IBTK: variants seen among roughly 807,000 people sequenced by gnomAD.
The protein encoded by IBTK is BTK-binding protein.
A neutral mutation model predicts 154.9 loss-of-function variants in IBTK; 83 were observed. That is an observed-to-expected ratio of 0.54 (90% confidence interval 0.45 to 0.64). The LOEUF is 0.64. Among genes scored for constraint, IBTK ranks in the 30% least tolerant of loss-of-function variants. The pLI is 0.00. For missense variants in IBTK, 1,332 were observed against 1,584.6 expected, an observed-to-expected ratio of 0.84 and a Z score of 2.71; for synonymous variants, 515 against 536.1, an observed-to-expected ratio of 0.96 and a Z score of 0.54.
At position 82,171,436 on chromosome 6, in the gene IBTK, G is replaced by A; in HGVS notation, c.4051C>T (p.His1351Tyr). The change falls in exon 29 of 29, where the codon CAT becomes TAT. Residue 1351 changes from histidine to tyrosine, a missense_variant. Around this residue, in one of 3 missense-constraint regions of IBTK, gnomAD observed 1,134 missense variants for 1,274.7 expected, o/e 0.89. Transcript: ENST00000306270. Reference sequence around the variant, plus strand: ...AACTCCACAGTGAACTAGCATCCATGCTTATTCCACATAGGTACTGCCAGT... The same window carrying A: ...AACTCCACAGTGAACTAGCATCCATACTTATTCCACATAGGTACTGCCAGT... ...GPLAVPMWNK[H>Y]GC 1 of 1,612,472 alleles carries A rather than the reference G, an allele frequency of 6.2e-7. No individual in the cohort carries two copies. Among genetic ancestry groups the A allele is most frequent in the Non-Finnish European group, 8.5e-7 (1 of 1,179,344 alleles).
At chr6:82,243,113 C>A (rs1771015539) in intron 1 of IBTK, among the ~76,000 whole-genome samples, 1 of 151,370 alleles carries the variant, frequency 6.6e-6, no homozygotes, top group Non-Finnish European at 1.5e-5. Context: ...TGGTGGCGGG[C>A]GCCTGTAGTC....
In IBTK at chr6:82,171,370, T is replaced by C. The variant is rs907542110; in HGVS notation, c.*55A>G. On this transcript the variant is annotated 3_prime_UTR_variant, in exon 29 of 29. Coordinates refer to ENST00000306270, the MANE Select transcript of IBTK (RefSeq NM_015525.4). The stretch of plus-strand genomic sequence containing the variant: ...CTCTAAGACTCTTTTCCACAGCTTT[T>C]CTTTATATGAACAAACTCATAATTA... The C allele has an allele frequency of 2.7e-6, 4 of 1,488,422 alleles. No homozygotes were observed. The highest frequency in any genetic ancestry group is 2.3e-5 in the East Asian group (1 of 43,652). The allele number at this position is 1,488,422 out of a possible 1,614,324, so 92.2% of individuals were successfully genotyped here.
chr6:82,247,501 C>G (rs1771201622), intron 1 of IBTK, 61 bp downstream of exon 1: 1 of 398,592 alleles, frequency 2.5e-6, no homozygotes, highest in African/African-American at 2.1e-5. Context: ...TACTCTCCCC[C>G]TGCCCCCGGG....
At chr6:82,234,337 T>C (rs1770636782) in intron 2 of IBTK, 82 bp from the exon 3 acceptor site, 1 of 481,526 alleles carries the variant, frequency 2.1e-6, no homozygotes, top group Non-Finnish European at 3.0e-6. Flanking sequence ...TATTTTATTA[T>C]TATTTTTTTT....
At chr6:82,237,661 G>GTA (rs1554188041) in intron 2 of IBTK, among the ~76,000 whole-genome samples, 20,900 of 143,428 alleles carry the variant, frequency 0.15, 1,814 homozygotes, top group East Asian at 0.25. Context: ...AGATAGTAGT[G>GTA]GTAGTAGTAG....
rs201331625 is a variant in IBTK at position 82,226,604 on chromosome 6, G to GTT, written c.654+586_654+587dup. Reference sequence around the variant, plus strand: ...TTACAATTAGTGTGCCTTCTTTTTTGTTTTTTTTTTTTTCTTTTTGAGACG... The same window carrying GTT: ...TTACAATTAGTGTGCCTTCTTTTTTGTTTTTTTTTTTTTTTCTTTTTGAGACG... On this transcript the variant is annotated intron_variant, in intron 5 of 28. Transcript: ENST00000306270. Among the ~76,000 whole-genome samples, 1,023 of 144,910 alleles carry GTT rather than the reference G, an allele frequency of 7.1e-3. 5 individuals are homozygous for GTT. The highest frequency in any genetic ancestry group is 0.021 in the African/African-American group (814 of 39,578).
intron 18 of IBTK, 31 bp downstream of exon 18, chr6:82,202,497 A>G: frequency 8.6e-7 from 1 of 1,160,686 alleles, no homozygotes; most frequent in East Asian, 2.4e-5. Context: ...CTCCTTTTGC[A>G]ACAATCTTAC....
In IBTK at chr6:82,220,579, C is replaced by T. The variant is rs749416591; in HGVS notation, c.1248+11G>A. On this transcript the variant is annotated intron_variant, in intron 9 of 28. Transcript: ENST00000306270. ...GAGTAAGATTACACTTTTACATAAA[C>T]ATGTACTTACCCTTCCAGCTCCATC... The T allele has an allele frequency of 6.3e-7, 1 of 1,595,440 alleles. No homozygotes were observed. Among genetic ancestry groups the T allele is most frequent in the Non-Finnish European group, 8.5e-7 (1 of 1,174,310 alleles).
Position 82,240,641 on chromosome 6 carries a change from T to A in IBTK, c.-155A>T. On this transcript the variant is annotated 5_prime_UTR_variant, in exon 2 of 29. Transcript: ENST00000306270. Reference sequence around the variant, plus strand: ...CTCCTGACAATAGTATAAAACTATATATCTTTATACAATTTTTTGGCACTT... The same window carrying A: ...CTCCTGACAATAGTATAAAACTATAAATCTTTATACAATTTTTTGGCACTT... The A allele has an allele frequency of 1.7e-6, 1 of 590,458 alleles. No individual in the cohort carries two copies. Among genetic ancestry groups the A allele is most frequent in the Non-Finnish European group, 2.8e-6 (1 of 354,366 alleles). The allele number at this position is 590,458 out of a possible 1,614,324, so 36.6% of individuals were successfully genotyped here.
chr6:82,215,408 G>T (rs1769829300), intron 11 of IBTK, among the ~76,000 whole-genome samples: 1 of 152,012 alleles, frequency 6.6e-6, no homozygotes. Flanking sequence ...CATATTCAAG[G>T]GTCAGAAATC....
chr6:82,214,467 T>C lies in IBTK; in HGVS notation c.1964A>G (p.Lys655Arg), dbSNP rs766739460. The C allele has an allele frequency of 6.2e-7, 1 of 1,614,110 alleles. No homozygotes were observed. The highest frequency in any genetic ancestry group is 1.1e-5 in the South Asian group (1 of 91,078). Residue 655 changes from lysine (K) to arginine (R), a missense_variant, in exon 12 of 29, where the codon AAA becomes AGA. Lys to Arg is a conservative substitution (Grantham distance 26). Transcript: ENST00000306270. The stretch of plus-strand genomic sequence containing the variant: ...AGTTCCCTGATATTCTTCTGGGTTT[T>C]TGTTTAAGTGTATTCTTGGTTTGAA... ...HGFKPRIHLN[K>R]NPEEYQGTLN...
At position 82,224,141 on chromosome 6, in the gene IBTK, T is replaced by G; in HGVS notation, c.870A>C (p.Ala290=). 3 of 1,614,140 alleles carry G rather than the reference T, an allele frequency of 1.9e-6. No individual in the cohort carries two copies. The highest frequency in any genetic ancestry group is 2.5e-6 in the Non-Finnish European group (3 of 1,179,970). The change falls in exon 7 of 29, where the codon GCA becomes GCC. Residue 290 remains alanine (A), a synonymous_variant. Transcript: ENST00000306270. ...YLKGRTIIGV[A]AGRFHTVLWT... ...ATAGGACTGTATGAAACCTGCCTGC[T>G]GCAACGCCAATGATTGTCCTTCCTT... is the stretch of plus-strand genomic sequence containing the variant.
intron 12 of IBTK, among the ~76,000 whole-genome samples, chr6:82,213,889 G>T (rs1247761248): frequency 6.6e-6 from 1 of 152,110 alleles, no homozygotes; most frequent in African/African-American, 2.4e-5. Flanking sequence ...GAAAGAGAAG[G>T]GGATGGAACA....
chr6:82,200,316 T>C, intron 20 of IBTK, 63 bp from the exon 21 acceptor site: 1 of 1,154,416 alleles, frequency 8.7e-7, no homozygotes, highest in Non-Finnish European at 1.3e-6. Flanking sequence ...AATGCACTTA[T>C]TTAACCCAAC....
At position 82,216,142 on chromosome 6, in the gene IBTK, G is replaced by A; in HGVS notation, c.1535C>T (p.Ala512Val). 6.2e-7 allele frequency: 1 copy of A among 1,613,526 alleles called. No homozygotes were observed. Among genetic ancestry groups the A allele is most frequent in the Non-Finnish European group, 8.5e-7 (1 of 1,179,692 alleles). ...ACTTGGATCTGTGCTGACACTAACA[G>A]CTCTATGTGCAAAGGTAAGTTTCTC... ...RLEKLTFAHR[A>V]VSVSTDPSGC... is the part of the protein sequence containing the mutation. Residue 512 changes from alanine (A) to valine (V), a missense_variant, in exon 11 of 29, where the codon GCT becomes GTT. This residue lies in a region of IBTK where 1,134 missense variants were observed against 1,274.7 expected (regional missense o/e 0.89). Transcript: ENST00000306270.
intron 12 of IBTK, among the ~76,000 whole-genome samples, chr6:82,213,073 G>C (rs1172203458): frequency 1.3e-5 from 2 of 151,920 alleles, no homozygotes; most frequent in Middle Eastern, 3.4e-3. Flanking sequence ...TGTTGCCCAG[G>C]CTAGAGTGTG....
intron 28 of IBTK, among the ~76,000 whole-genome samples, chr6:82,172,110 G>C (rs1309391633): frequency 6.6e-6 from 1 of 151,886 alleles, no homozygotes; most frequent in Non-Finnish European, 1.5e-5. Flanking sequence ...ATTCTCTACT[G>C]GTCATTTTAA....
rs760399586 is a variant in IBTK at position 82,224,219 on chromosome 6, T to C, written c.826-34A>G. Reference sequence around the variant, plus strand: ...AGACAAATAAAACTGCAATTTACTATATATTTATGACCTAGTACAATTTTT... The same window carrying C: ...AGACAAATAAAACTGCAATTTACTACATATTTATGACCTAGTACAATTTTT... On this transcript the variant is annotated intron_variant, in intron 6 of 28. Coordinates refer to ENST00000306270, the MANE Select transcript of IBTK (RefSeq NM_015525.4). 9 of 1,411,888 alleles carry C rather than the reference T, an allele frequency of 6.4e-6. No homozygotes were observed. In the East Asian group the frequency reaches 6.8e-5, roughly 11 times the overall value. 87.5% of individuals were successfully genotyped at this position (1,411,888 alleles called of 1,614,324 possible). A position where few individuals can be genotyped will look rare whatever the true frequency, so the allele number is the denominator to read the frequency against.
chr6:82,173,673 A>AT (rs1234148080), intron 26 of IBTK: 38 of 139,748 alleles, frequency 2.7e-4, no homozygotes, highest in Admixed American at 4.5e-4. Context: ...TTCTAATAAT[A>AT]AATATATATA....
Sources: allele counts gnomAD v4.1 joint callset (sites outside exome capture counted in the v4.1 genomes callset), GRCh38; gene constraint gnomAD v4.1.1; regional missense constraint gnomAD v4.1.1; transcripts MANE v1.5; gene names NCBI Gene and HGNC (gene_info 2026-07-23, HGNC 2026-07-21).